Variants in ERCC6 observed in about 807,000 individuals in gnomAD.
ERCC6 encodes ERCC excision repair 6, chromatin remodeling factor.
ERCC6 carries 116 observed loss-of-function variants against 158.7 expected under a neutral mutation model. The ratio of observed to expected loss-of-function variants is 0.73; its 90% CI spans 0.63 to 0.85. ERCC6 has a LOEUF of 0.85. Among genes scored for constraint, ERCC6 ranks in the 40% least tolerant of loss-of-function variants. ERCC6 has a pLI of 0.00. For missense variants in ERCC6, 1,698 were observed against 1,799.4 expected, an observed-to-expected ratio of 0.94 and a Z score of 1.02; for synonymous variants, 678 against 659.3, an observed-to-expected ratio of 1.03 and a Z score of -0.43.
chr10:49,435,510 T>G, the ERCC6 span, among the ~76,000 whole-genome samples: 1 of 151,994 alleles, frequency 6.6e-6, no homozygotes, highest in African/African-American at 2.4e-5. Context: ...TAAAAATCAA[T>G]TACAGAAAGA....
At chr10:49,466,034 A>G (rs1235228359) in intron 18 of ERCC6, among the ~76,000 whole-genome samples, 1 of 152,198 alleles carries the variant, frequency 6.6e-6, no homozygotes, top group Non-Finnish European at 1.5e-5. Flanking sequence ...GTTACTACTC[A>G]GAAGATAACA....
At chr10:49,492,787 CAA>C (rs752890723) in intron 8 of ERCC6, among the ~76,000 whole-genome samples, 16 of 152,228 alleles carry the variant, frequency 1.1e-4, no homozygotes, top group East Asian at 1.9e-4. Flanking sequence ...CACTAATGCG[CAA>C]AGTCTCTCCT....
chr10:49,492,001 C>T (rs1003449393), intron 8 of ERCC6, among the ~76,000 whole-genome samples: 1 of 152,220 alleles, frequency 6.6e-6, no homozygotes, highest in East Asian at 1.9e-4. Flanking sequence ...TTATAACTCA[C>T]AGCATTTACC....
In ERCC6 at chr10:49,504,389, G is replaced by A. The variant is rs1418367051; in HGVS notation, c.1526+1495C>T. On this transcript the variant is annotated intron_variant, in intron 6 of 20. Transcript: ENST00000355832. Reference sequence around the variant, plus strand: ...TTTATATTAACTACTATAGAGTTTTGTTAATACACTGAATCCTAAATACTT... The same window carrying A: ...TTTATATTAACTACTATAGAGTTTTATTAATACACTGAATCCTAAATACTT... The A allele has an allele frequency of 5.3e-5, 8 of 152,078 alleles. No individual in the cohort carries two copies. In the East Asian group the frequency reaches 1.4e-3, roughly 26 times the overall value. The allele number at this position is 152,078 out of a possible 1,614,324, so 9.4% of individuals were successfully genotyped here.
At chr10:49,516,495 T>A (rs1259745314) in intron 5 of ERCC6, 3 of 1,614,168 alleles carry the variant, frequency 1.9e-6, no homozygotes, top group African/African-American at 2.7e-5. Flanking sequence ...ATTATGCACA[T>A]CTGTTCTTTG....
intron 5 of ERCC6, among the ~76,000 whole-genome samples, chr10:49,507,541 C>G (rs1851464643): frequency 6.6e-6 from 1 of 152,084 alleles, no homozygotes; most frequent in Non-Finnish European, 1.5e-5. Flanking sequence ...TATCTCCATG[C>G]AATGGACAAA....
In ERCC6 at chr10:49,458,503, C is replaced by T. The variant is rs750978636; in HGVS notation, c.*312G>A. The T allele has an allele frequency of 5.9e-6, 2 of 338,208 alleles. No individual in the cohort carries two copies. The highest frequency in any genetic ancestry group is 9.6e-4 in the Middle Eastern group (1 of 1,044). 21.0% of individuals were successfully genotyped at this position (338,208 alleles called of 1,614,324 possible). A position where few individuals can be genotyped will look rare whatever the true frequency, so the allele number is the denominator to read the frequency against. ...GCAAACTTCTAACTGTGCTCCCTGA[C>T]AGCATCTTTTGGGTAAAGGAACAAA... On this transcript the variant is annotated 3_prime_UTR_variant, in exon 21 of 21. Coordinates refer to ENST00000355832, the MANE Select transcript of ERCC6 (RefSeq NM_000124.4).
At chr10:49,445,943 G>C in the ERCC6 span, among the ~76,000 whole-genome samples, 1 of 152,076 alleles carries the variant, frequency 6.6e-6, no homozygotes, top group African/African-American at 2.4e-5. Flanking sequence ...TCTACCTCCC[G>C]CTACAGAGAA....
At chr10:49,453,671 T>C (rs1039587905), downstream of ERCC6, among the ~76,000 whole-genome samples, 1 of 152,224 alleles carries the variant, frequency 6.6e-6, no homozygotes, top group Non-Finnish European at 1.5e-5. Flanking sequence ...ATTAGGCAGG[T>C]TGGTTAACAA....
intron 8 of ERCC6, among the ~76,000 whole-genome samples, chr10:49,486,717 T>C (rs1851084374): frequency 6.6e-6 from 1 of 152,092 alleles, no homozygotes; most frequent in Admixed American, 6.5e-5. Context: ...AACAAACCAA[T>C]ACTGAACAAT....
intron 1 of ERCC6, among the ~76,000 whole-genome samples, chr10:49,538,383 G>A (rs1045568849): frequency 1.3e-5 from 2 of 152,222 alleles, no homozygotes; most frequent in African/African-American, 4.8e-5. Flanking sequence ...CCTACTTTAT[G>A]CCAGAGACCA....
In ERCC6 at chr10:49,529,269, C is replaced by T. The variant is rs571326092; in HGVS notation, c.544-744G>A. On this transcript the variant is annotated intron_variant, in intron 3 of 20. Transcript: ENST00000355832. ...GGAAATCCTGAACATAAATGCCACA[C>T]TGCAATGACTTGCAATTTGTTTTTT... Among the ~76,000 whole-genome samples the T allele has an allele frequency of 5.3e-5, 8 of 152,250 alleles. No individual in the cohort carries two copies. In the South Asian group the frequency reaches 1.7e-3, roughly 31 times the overall value.
intron 18 of ERCC6, among the ~76,000 whole-genome samples, chr10:49,465,486 T>C (rs539934960): frequency 2.6e-5 from 4 of 152,244 alleles, no homozygotes; most frequent in South Asian, 4.2e-4. Context: ...GAAGGCATGA[T>C]TGGTTTTAAA....
chr10:49,496,702 G>A (rs774865995), intron 7 of ERCC6, among the ~76,000 whole-genome samples: 4 of 152,136 alleles, frequency 2.6e-5, no homozygotes, highest in Admixed American at 6.5e-5. Context: ...CAGCTACTTG[G>A]GAGGCTGAGG....
intron 16 of ERCC6, 92 bp downstream of exon 16, chr10:49,472,284 A>G (rs1047010486): frequency 9.3e-7 from 1 of 1,074,474 alleles, no homozygotes. Flanking sequence ...TTATTCTAAG[A>G]TGTTAAGACT....
In ERCC6 at chr10:49,524,509, T is replaced by A; in HGVS notation, c.921A>T (p.Pro307=). The change falls in exon 5 of 21, where the codon CCA becomes CCT. Residue 307 remains proline (P), a synonymous_variant. Transcript: ENST00000355832. The part of the protein sequence containing the change: ...KAPAPVTPPA[P]VQNKNKPNKK... ...TGTTTGGTTTGTTTTTATTTTGCAC[T>A]GGGGCTGGAGGCGTGACTGGGGCTG... The A allele has an allele frequency of 6.2e-7, 1 of 1,614,228 alleles. No individual in the cohort carries two copies. The highest frequency in any genetic ancestry group is 8.5e-7 in the Non-Finnish European group (1 of 1,180,026).
At chr10:49,482,616 C>A in intron 10 of ERCC6, 71 bp downstream of exon 10, 1 of 1,359,712 alleles carries the variant, frequency 7.4e-7, no homozygotes, top group Non-Finnish European at 1.0e-6. Context: ...GACTTGGCTA[C>A]AAATTATAGT....
At chr10:49,526,938 G>C (rs1278375940) in intron 4 of ERCC6, among the ~76,000 whole-genome samples, 1 of 152,216 alleles carries the variant, frequency 6.6e-6, no homozygotes, top group Non-Finnish European at 1.5e-5. Context: ...TAACCAGGGA[G>C]AGGCAGTAGA....
intron 5 of ERCC6, chr10:49,516,101 T>A: frequency 6.2e-7 from 1 of 1,614,112 alleles, no homozygotes; most frequent in Non-Finnish European, 8.5e-7. Flanking sequence ...CCTCTGTAAG[T>A]GCCTCACTAA....
Sources: allele counts gnomAD v4.1 joint callset (sites outside exome capture counted in the v4.1 genomes callset), GRCh38; gene constraint gnomAD v4.1.1; transcripts MANE v1.5; gene names NCBI Gene and HGNC (gene_info 2026-07-23, HGNC 2026-07-21).